CAST: variants seen among roughly 807,000 people sequenced by gnomAD.
The protein encoded by CAST is MIR583 host.
CAST carries 76 observed loss-of-function variants against 119.6 expected under a neutral mutation model. The ratio of observed to expected loss-of-function variants is 0.64; its 90% CI spans 0.53 to 0.77. The LOEUF (loss-of-function observed/expected upper bound fraction) is 0.77, where lower values mean the gene tolerates loss of function less well. Ranked by LOEUF, CAST falls within the 30% of genes least tolerant of loss-of-function variation. CAST has a pLI of 0.00. For synonymous variants in CAST, 319 were observed against 331.6 expected, an observed-to-expected ratio of 0.96 and a Z score of 0.41; for missense variants, 953 against 946.5, an observed-to-expected ratio of 1.01 and a Z score of -0.09.
At chr5:96,601,336 A>C (rs1346813547) in intron 1 of CAST, among the ~76,000 whole-genome samples, 1 of 152,214 alleles carries the variant, frequency 6.6e-6, no homozygotes, top group Non-Finnish European at 1.5e-5. Flanking sequence ...GGAAATACCT[A>C]AACAATCTGC....
At chr5:96,147,565 T>G in the CAST span, among the ~76,000 whole-genome samples, 2 of 152,034 alleles carry the variant, frequency 1.3e-5, no homozygotes, top group Non-Finnish European at 2.9e-5. Flanking sequence ...ATCGCACCAC[T>G]GCACTCCAGC....
intron 1 of CAST, among the ~76,000 whole-genome samples, chr5:96,557,892 C>G (rs903688192): frequency 6.6e-6 from 1 of 152,208 alleles, no homozygotes; most frequent in East Asian, 1.9e-4. Flanking sequence ...CCCAAATCAA[C>G]ACACTATACA....
At chr5:96,428,650 A>G in the CAST span, among the ~76,000 whole-genome samples, 1 of 152,208 alleles carries the variant, frequency 6.6e-6, no homozygotes, top group Non-Finnish European at 1.5e-5. Context: ...TTACTTATGG[A>G]AACATTTGCC....
the CAST span, among the ~76,000 whole-genome samples, chr5:96,047,044 A>C: frequency 6.6e-5 from 10 of 152,334 alleles, no homozygotes; most frequent in South Asian, 2.1e-3. Flanking sequence ...AAACCATATC[A>C]CATCATTCCT....
At chr5:96,594,652 G>T (rs1046319015) in intron 1 of CAST, among the ~76,000 whole-genome samples, 1 of 152,120 alleles carries the variant, frequency 6.6e-6, no homozygotes, top group Non-Finnish European at 1.5e-5. Context: ...TCAAATTTTA[G>T]TACTGCTTAT....
At chr5:96,207,345 A>T in the CAST span, among the ~76,000 whole-genome samples, 1 of 152,018 alleles carries the variant, frequency 6.6e-6, no homozygotes, top group Non-Finnish European at 1.5e-5. Flanking sequence ...TGTGTTGAAT[A>T]AGAGTGGTGA....
chr5:95,972,060 A>T, the CAST span, among the ~76,000 whole-genome samples: 1 of 151,796 alleles, frequency 6.6e-6, no homozygotes, highest in African/African-American at 2.4e-5. Context: ...CCTGGCTTCA[A>T]GCCATTCTCA....
the CAST span, among the ~76,000 whole-genome samples, chr5:96,384,329 T>C: frequency 6.6e-6 from 1 of 152,204 alleles, no homozygotes; most frequent in Non-Finnish European, 1.5e-5. Context: ...ATCTGTACTC[T>C]AGTGACAAGA....
chr5:96,070,589 G>A, the CAST span, among the ~76,000 whole-genome samples: 8 of 152,192 alleles, frequency 5.3e-5, no homozygotes, highest in Non-Finnish European at 1.2e-4. Context: ...GGTGATTGGC[G>A]ATGTTGTGAC....
chr5:96,452,929 C>CCT, the CAST span, among the ~76,000 whole-genome samples: 3 of 111,358 alleles, frequency 2.7e-5, no homozygotes, highest in African/African-American at 1.2e-4. Flanking sequence ...CGCAGTCCGG[C>CCT]CTGGGCGACA....
the CAST span, among the ~76,000 whole-genome samples, chr5:96,471,354 C>T: frequency 6.6e-6 from 1 of 152,100 alleles, no homozygotes; most frequent in African/African-American, 2.4e-5. Context: ...ATTACATTCT[C>T]TCTCATCCTT....
chr5:96,597,938 A>C (rs986298746), intron 1 of CAST, among the ~76,000 whole-genome samples: 5 of 141,058 alleles, frequency 3.5e-5, no homozygotes, highest in Admixed American at 2.8e-4. Flanking sequence ...TGGAAAAAGA[A>C]GGGGGGAGGG....
chr5:96,385,960 C>T, the CAST span, among the ~76,000 whole-genome samples: 1 of 152,198 alleles, frequency 6.6e-6, no homozygotes, highest in Non-Finnish European at 1.5e-5. Context: ...CAGCTCTACT[C>T]CTTGCTATCT....
chr5:96,132,510 TTCTA>T, the CAST span, among the ~76,000 whole-genome samples: 1 of 152,104 alleles, frequency 6.6e-6, no homozygotes, highest in African/African-American at 2.4e-5. Flanking sequence ...AGCTTATTCC[TTCTA>T]TCTAACTGTA....
the CAST span, among the ~76,000 whole-genome samples, chr5:96,483,069 T>A: frequency 6.6e-6 from 1 of 152,158 alleles, no homozygotes; most frequent in Non-Finnish European, 1.5e-5. Context: ...TCATTTCATG[T>A]TTAATAACAA....
the CAST span, among the ~76,000 whole-genome samples, chr5:96,191,697 G>A: frequency 2.0e-5 from 3 of 152,176 alleles, no homozygotes; most frequent in African/African-American, 7.2e-5. Flanking sequence ...AGTCTCCCGA[G>A]TAGCTGGGAC....
intron 1 of CAST, among the ~76,000 whole-genome samples, chr5:96,612,382 A>G (rs1747379562): frequency 6.6e-6 from 1 of 152,212 alleles, no homozygotes; most frequent in African/African-American, 2.4e-5. Flanking sequence ...TAAACATTGC[A>G]TGCATGTGGG....
At chr5:96,136,277 CTTA>C in the CAST span, among the ~76,000 whole-genome samples, 1 of 152,200 alleles carries the variant, frequency 6.6e-6, no homozygotes, top group East Asian at 1.9e-4. Flanking sequence ...CTTCACCCCA[CTTA>C]TTAACTAGAA....
chr5:96,026,923 C>T, the CAST span, among the ~76,000 whole-genome samples: 1 of 152,194 alleles, frequency 6.6e-6, no homozygotes, highest in African/African-American at 2.4e-5. Context: ...AATTTGTATG[C>T]ATCTGCTGGG....
Sources: gnomAD v4.1 joint callset for allele counts (sites outside exome capture counted in the v4.1 genomes callset) on GRCh38, gnomAD v4.1.1 for gene constraint, MANE v1.5 for transcripts, NCBI Gene and HGNC (gene_info 2026-07-23, HGNC 2026-07-21) for gene names.